The following TOMM7 variants were observed in gnomAD, a reference collection of about 807,000 sequenced individuals.
The protein encoded by TOMM7 is translocase of outer mitochondrial membrane 7.
TOMM7 carries 8 observed loss-of-function variants against 9.5 expected under a neutral mutation model. The ratio of observed to expected loss-of-function variants is 0.84; its 90% CI spans 0.49 to 1.51. The LOEUF is 1.51. TOMM7 is among the 40% of genes most tolerant of loss of function. The probability of loss-of-function intolerance (pLI) is 0.00; values close to 1 mark genes in which losing one functional copy is unlikely to be tolerated. For missense variants in TOMM7, 74 were observed against 63.7 expected (o/e 1.16, Z -0.55); for synonymous variants, 27 against 21.4 (o/e 1.26, Z -0.72).
chr7:22,819,089 G>A (rs1372099635), intron 1 of TOMM7, among the ~76,000 whole-genome samples: 1 of 152,030 alleles, frequency 6.6e-6, no homozygotes, highest in Admixed American at 6.6e-5. Context: ...AAATCAACTC[G>A]TTACAAGTAT....
At chr7:22,813,211 G>T in intron 2 of TOMM7, 26 bp from the exon 3 acceptor site, 3 of 1,602,744 alleles carry the variant, frequency 1.9e-6, no homozygotes, top group Middle Eastern at 1.7e-4. Flanking sequence ...AGAGAAGAAA[G>T]AAATTAAATT....
intron 2 of TOMM7, chr7:22,817,467 T>A: frequency 4.5e-6 from 1 of 223,324 alleles, no homozygotes; most frequent in Non-Finnish European, 9.7e-6. Context: ...GGTCTTGAAC[T>A]CCTAGCTTCA....
intron 1 of TOMM7, 54 bp downstream of exon 1, chr7:22,822,621 GCT>G: frequency 6.7e-7 from 1 of 1,494,338 alleles, no homozygotes; most frequent in South Asian, 1.1e-5. Context: ...AAATGGGGCT[GCT>G]GTCTCCGCCA....
Position 22,820,918 on chromosome 7 carries a change from TAGTC to T in TOMM7, c.103+1755_103+1758del, listed in dbSNP as rs199517928. Among the ~76,000 whole-genome samples the T allele has an allele frequency of 2.6e-3, 402 of 152,214 alleles. 2 individuals carry two copies. Among genetic ancestry groups the T allele is most frequent in the African/African-American group, 8.9e-3 (367 of 41,464 alleles). On this transcript the variant is annotated intron_variant, in intron 1 of 2. Coordinates refer to ENST00000358435, the MANE Select transcript of TOMM7 (RefSeq NM_019059.5). Reference sequence around the variant, plus strand: ...TGGAGAAATAGAAACCACAGCTGCTTAGTCAGAGTGTACTTTATCTTATACAATG... The same window carrying T: ...TGGAGAAATAGAAACCACAGCTGCTTAGAGTGTACTTTATCTTATACAATG...
chr7:22,819,280 T>TA (rs200380406), intron 1 of TOMM7, among the ~76,000 whole-genome samples: 26 of 149,404 alleles, frequency 1.7e-4, no homozygotes, highest in Admixed American at 1.1e-3. Context: ...AGTTAATATT[T>TA]AAAAAAAAAA....
In TOMM7 at chr7:22,822,312, C is replaced by T. The variant is rs193245950; in HGVS notation, c.103+365G>A. 10 of 1,524,406 alleles carry T rather than the reference C, an allele frequency of 6.6e-6. No individual in the cohort carries two copies. In the Admixed American group the frequency reaches 1.9e-4, roughly 29 times the overall value. The allele number at this position is 1,524,406 out of a possible 1,614,324, so 94.4% of individuals were successfully genotyped here. ...TGAACAGGACTCTTTCCACTTAGGA[C>T]CACATGGAGCGGTGAGGAAAAACAC... On this transcript the variant is annotated intron_variant, in intron 1 of 2. Coordinates refer to ENST00000358435, the MANE Select transcript of TOMM7 (RefSeq NM_019059.5).
chr7:22,814,663 T>C (rs1307996299), intron 2 of TOMM7, among the ~76,000 whole-genome samples: 1 of 152,210 alleles, frequency 6.6e-6, no homozygotes, highest in Non-Finnish European at 1.5e-5. Context: ...ACAAAGACAC[T>C]GCCCCTTATA....
intron 2 of TOMM7, among the ~76,000 whole-genome samples, chr7:22,817,011 A>G (rs1337720301): frequency 6.6e-6 from 1 of 152,238 alleles, no homozygotes; most frequent in African/African-American, 2.4e-5. Flanking sequence ...AAGAAAATGA[A>G]TAAAGCCCTA....
chr7:22,821,265 G>T (rs1300272480), intron 1 of TOMM7, among the ~76,000 whole-genome samples: 2 of 151,990 alleles, frequency 1.3e-5, no homozygotes, highest in South Asian at 4.2e-4. Flanking sequence ...CAAAATATTA[G>T]CCCGGCATGG....
intron 2 of TOMM7, among the ~76,000 whole-genome samples, chr7:22,815,043 T>C (rs949390104): frequency 7.9e-5 from 12 of 152,174 alleles, no homozygotes; most frequent in Non-Finnish European, 1.2e-4. Flanking sequence ...AGTAACCCTT[T>C]GCAGGCACTC....
At chr7:22,819,375 CT>C (rs58550366) in intron 1 of TOMM7, among the ~76,000 whole-genome samples, 3 of 149,276 alleles carry the variant, frequency 2.0e-5, no homozygotes, top group Admixed American at 6.7e-5. Context: ...AAACACTATT[CT>C]TTTTTTTTTT....
At chr7:22,819,385 T>G (rs867684330) in intron 1 of TOMM7, among the ~76,000 whole-genome samples, 18 of 152,170 alleles carry the variant, frequency 1.2e-4, no homozygotes, top group South Asian at 1.0e-3. Flanking sequence ...CTTTTTTTTT[T>G]TGAGACGGAG....
At chr7:22,814,831 CTG>C (rs917902718) in intron 2 of TOMM7, among the ~76,000 whole-genome samples, 23 of 152,246 alleles carry the variant, frequency 1.5e-4, no homozygotes, top group African/African-American at 5.3e-4. Context: ...AGATAATTAA[CTG>C]TATTATTTAC....
At chr7:22,818,550 G>T (rs1259891806) in intron 1 of TOMM7, among the ~76,000 whole-genome samples, 1 of 152,120 alleles carries the variant, frequency 6.6e-6, no homozygotes, top group Non-Finnish European at 1.5e-5. Context: ...CAAAGTGCTG[G>T]GATTACAGGT....
chr7:22,821,220 G>C (rs1167864510), intron 1 of TOMM7, among the ~76,000 whole-genome samples: 1 of 151,986 alleles, frequency 6.6e-6, no homozygotes, highest in Non-Finnish European at 1.5e-5. Context: ...GACCATCCTG[G>C]CTAACACGGT....
intron 2 of TOMM7, among the ~76,000 whole-genome samples, chr7:22,816,727 G>A (rs1782321534): frequency 6.6e-6 from 1 of 152,190 alleles, no homozygotes; most frequent in African/African-American, 2.4e-5. Context: ...CAGATGTGGT[G>A]GAGGAAATTC....
rs1011767796 is a variant in TOMM7, at chr7:22,822,533, G to A, written c.103+144C>T. ...CGGGAACTCGAACTCAGGTTAGATC[G>A]GCCCCACTTGACCAGACAGCCTCAG... On this transcript the variant is annotated intron_variant, in intron 1 of 2. Transcript: ENST00000358435. The A allele has an allele frequency of 1.3e-5, 10 of 786,418 alleles. No homozygotes were observed. The East Asian group carries it at 2.5e-4, about 20-fold the overall frequency. The allele number at this position is 786,418 out of a possible 1,614,324, so 48.7% of individuals were successfully genotyped here.
Position 22,818,852 on chromosome 7 carries a change from A to G in TOMM7, c.104-804T>C, listed in dbSNP as rs1319482461. Among the ~76,000 whole-genome samples, 4 of 148,058 alleles carry G rather than the reference A, an allele frequency of 2.7e-5. No homozygotes were observed. The East Asian group carries it at 7.9e-4, about 29-fold the overall frequency. On this transcript the variant is annotated intron_variant, in intron 1 of 2. Coordinates refer to ENST00000358435, the MANE Select transcript of TOMM7 (RefSeq NM_019059.5). ...GGTCTTGAACTCCTGGGCTCAAGTG[A>G]TCAGCCTCCTCAGCCTCTCAAAGTG... is the stretch of plus-strand genomic sequence containing the variant.
intron 1 of TOMM7, 152 bp downstream of exon 1, chr7:22,822,525 G>A: frequency 3.9e-6 from 3 of 765,898 alleles, no homozygotes; most frequent in Non-Finnish European, 6.6e-6. Flanking sequence ...TCGAACTCAG[G>A]TTAGATCGGC....
Sources: gnomAD v4.1 joint callset for allele counts (sites outside exome capture counted in the v4.1 genomes callset) on GRCh38, gnomAD v4.1.1 for gene constraint, MANE v1.5 for transcripts, NCBI Gene and HGNC (gene_info 2026-07-23, HGNC 2026-07-21) for gene names.